CCDC91: variants seen among roughly 807,000 people sequenced by gnomAD.
CCDC91 encodes the protein coiled-coil domain containing 91.
CCDC91 carries 48 observed loss-of-function variants against 63.2 expected under a neutral mutation model. That is an observed-to-expected ratio of 0.76 (90% CI 0.60 to 0.97). The LOEUF is 0.97. CCDC91 is among the 50% of genes least tolerant of loss of function. The probability of loss-of-function intolerance (pLI) is 0.00; values close to 1 mark genes in which losing one functional copy is unlikely to be tolerated. For synonymous variants in CCDC91, 167 were observed against 165.8 expected, an observed-to-expected ratio of 1.01 and a Z score of -0.06; for missense variants, 500 against 494.6, an observed-to-expected ratio of 1.01 and a Z score of -0.10.
intron 8 of CCDC91, among the ~76,000 whole-genome samples, chr12:28,433,731 A>G (rs1217611505): frequency 6.6e-6 from 1 of 151,944 alleles, no homozygotes; most frequent in African/African-American, 2.4e-5. Context: ...GTTTGTTGAT[A>G]TCCATAAAAT....
In CCDC91 at chr12:28,450,387, G is replaced by T; in HGVS notation, c.893G>T (p.Arg298Ile). Residue 298 changes from arginine to isoleucine, a missense_variant, in exon 10 of 13, where the codon AGA becomes ATA. Coordinates refer to ENST00000536442, the MANE Select transcript of CCDC91 (RefSeq NM_018318.5). ...AAGTGTTTGGAGGAAGAAAGGCAAA[G>T]AAATAAAGAGGCATTAGTATCCGCT... ...LEKCLEEERQ[R>I]NKEALVSAAK... 3 of 1,612,156 alleles carry T rather than the reference G, an allele frequency of 1.9e-6. No individual in the cohort carries two copies. Among genetic ancestry groups the T allele is most frequent in the Non-Finnish European group, 2.5e-6 (3 of 1,178,586 alleles).
chr12:28,350,531 T>A (rs1473222342), intron 6 of CCDC91, among the ~76,000 whole-genome samples: 2 of 152,176 alleles, frequency 1.3e-5, no homozygotes, highest in Non-Finnish European at 2.9e-5. Flanking sequence ...TTTTGGTGTG[T>A]GAAGGAAGAA....
intron 6 of CCDC91, among the ~76,000 whole-genome samples, chr12:28,324,658 T>C (rs528435518): frequency 3.3e-5 from 5 of 151,924 alleles, no homozygotes; most frequent in Admixed American, 3.3e-4. Flanking sequence ...CCTTACAAGG[T>C]TTCATTTTCC....
chr12:28,208,700 A>G (rs1315138926), intron 1 of CCDC91, among the ~76,000 whole-genome samples: 1 of 152,170 alleles, frequency 6.6e-6, no homozygotes, highest in East Asian at 1.9e-4. Flanking sequence ...AAAGGTAAAA[A>G]TCTTTACTCA....
chr12:28,505,590 C>T (rs1938603812), intron 12 of CCDC91: 1 of 151,928 alleles, frequency 6.6e-6, no homozygotes, highest in East Asian at 1.9e-4. Context: ...CATGCAGTTA[C>T]TACTGCTGCA....
rs1361300709 is a variant in CCDC91, at chr12:28,368,456, T to C, written c.654+5941T>C. 4.6e-5 allele frequency among the ~76,000 whole-genome samples: 7 copies of C among 152,216 alleles called. No individual in the cohort carries two copies. In the East Asian group the frequency reaches 1.3e-3, roughly 29 times the overall value. On this transcript the variant is annotated intron_variant, in intron 7 of 12. Coordinates refer to ENST00000536442, the MANE Select transcript of CCDC91 (RefSeq NM_018318.5). ...TGTTAGATGGACCATACTCCAGATA[T>C]CTATGGGGTAGATGGTTTATAGTGT...
chr12:28,262,612 T>C (rs1459097288), intron 3 of CCDC91, among the ~76,000 whole-genome samples: 1 of 152,038 alleles, frequency 6.6e-6, no homozygotes, highest in Non-Finnish European at 1.5e-5. Flanking sequence ...CATAGTGAAC[T>C]CTTAAAATGC....
intron 1 of CCDC91, among the ~76,000 whole-genome samples, chr12:28,239,044 C>G (rs1274018164): frequency 6.6e-6 from 1 of 151,420 alleles, no homozygotes; most frequent in Non-Finnish European, 1.5e-5. Context: ...TGCTTGAACC[C>G]AGGAGGCGGA....
intron 1 of CCDC91, among the ~76,000 whole-genome samples, chr12:28,199,627 A>C (rs1942055404): frequency 2.0e-5 from 3 of 152,240 alleles, no homozygotes; most frequent in Admixed American, 1.3e-4. Flanking sequence ...TCTCATAGAT[A>C]AGATGTGCTA....
intron 8 of CCDC91, among the ~76,000 whole-genome samples, chr12:28,422,189 T>A (rs1316201621): frequency 2.0e-5 from 3 of 152,122 alleles, no homozygotes; most frequent in Non-Finnish European, 2.9e-5. Flanking sequence ...TAACATAGTA[T>A]CCAAAAGTAC....
chr12:28,384,142 G>A (rs1945459860), intron 7 of CCDC91, among the ~76,000 whole-genome samples: 1 of 151,958 alleles, frequency 6.6e-6, no homozygotes, highest in Non-Finnish European at 1.5e-5. Flanking sequence ...TTTTTAACCA[G>A]TCTCTTCATG....
intron 1 of CCDC91, among the ~76,000 whole-genome samples, chr12:28,206,373 A>G (rs1942852278): frequency 6.6e-6 from 1 of 152,144 alleles, no homozygotes; most frequent in South Asian, 2.1e-4. Context: ...ATGGTCACAC[A>G]TTTCTTTCAG....
rs147853369 is a variant in CCDC91 at position 28,336,890 on chromosome 12, A to G, written c.577-25548A>G. ...AATTTGATAACTATTCAAACTTTAT[A>G]TATTTATATGGATTATTACATGTAA... On this transcript the variant is annotated intron_variant, in intron 6 of 12. Transcript: ENST00000536442. 5.1e-4 allele frequency among the ~76,000 whole-genome samples: 78 copies of G among 152,118 alleles called. 1 individual carries two copies. The highest frequency in any genetic ancestry group is 1.7e-3 in the African/African-American group (72 of 41,570).
chr12:28,450,087 T>C, intron 8 of CCDC91, 74 bp from the exon 9 acceptor site: 1 of 782,380 alleles, frequency 1.3e-6, no homozygotes, highest in Non-Finnish European at 2.0e-6. Flanking sequence ...ACAAATGAAT[T>C]CTACCAGCTA....
intron 11 of CCDC91, among the ~76,000 whole-genome samples, chr12:28,476,091 G>GT: frequency 6.6e-6 from 1 of 151,958 alleles, no homozygotes; most frequent in Middle Eastern, 3.4e-3. Context: ...CTGAATATTA[G>GT]TTTTTCTTAG....
At chr12:28,422,277 A>G (rs1040492636) in intron 8 of CCDC91, among the ~76,000 whole-genome samples, 3 of 152,130 alleles carry the variant, frequency 2.0e-5, no homozygotes, top group South Asian at 2.1e-4. Flanking sequence ...ATTTAATTCA[A>G]TACTTTTTTG....
chr12:28,534,106 A>G (rs759236668), intron 12 of CCDC91, among the ~76,000 whole-genome samples: 6 of 152,174 alleles, frequency 3.9e-5, no homozygotes, highest in Non-Finnish European at 5.9e-5. Context: ...TTGTAGCAGT[A>G]TGAGTTCAGA....
chr12:28,481,246 A>G (rs549475527), intron 11 of CCDC91, among the ~76,000 whole-genome samples: 17 of 152,056 alleles, frequency 1.1e-4, no homozygotes, highest in African/African-American at 4.1e-4. Context: ...ATTCCAAACT[A>G]TTCACCTTAG....
chr12:28,467,951 A>G (rs1350758727), intron 11 of CCDC91, among the ~76,000 whole-genome samples: 2 of 152,064 alleles, frequency 1.3e-5, no homozygotes, highest in Non-Finnish European at 2.9e-5. Flanking sequence ...CAAAAGCAGT[A>G]CTAAGAGTGT....
Sources: gnomAD v4.1 joint callset for allele counts (sites outside exome capture counted in the v4.1 genomes callset) on GRCh38, gnomAD v4.1.1 for gene constraint, MANE v1.5 for transcripts, NCBI Gene and HGNC (gene_info 2026-07-23, HGNC 2026-07-21) for gene names.